DDR2: variants seen among roughly 807,000 people sequenced by gnomAD.
DDR2 encodes discoidin domain-containing receptor 2.
In DDR2, 27 loss-of-function variants were observed where a neutral mutation model predicts 94.9. That is an observed-to-expected ratio of 0.28 (90% CI 0.21 to 0.39). DDR2 has a LOEUF of 0.39. Among genes scored for constraint, DDR2 ranks in the 10% least tolerant of loss-of-function variants. The pLI is 1.00. For missense variants in DDR2, 783 were observed against 1,076.0 expected, an observed-to-expected ratio of 0.73 and a Z score of 3.81; for synonymous variants, 382 against 377.2, an observed-to-expected ratio of 1.01 and a Z score of -0.15.
At chr1:162,754,339 G>A (rs180973150) in intron 4 of DDR2, among the ~76,000 whole-genome samples, 1 of 152,316 alleles carries the variant, frequency 6.6e-6, no homozygotes, top group African/African-American at 2.4e-5. Context: ...AGTAGGAAGA[G>A]TTTTATTTCT....
At chr1:162,738,282 C>CA (rs2102076711) in intron 3 of DDR2, among the ~76,000 whole-genome samples, 1 of 48,094 alleles carries the variant, frequency 2.1e-5, no homozygotes, top group South Asian at 7.4e-4. Context: ...AATCAATGTA[C>CA]AAAAATCACA....
chr1:162,728,329 A>G (rs1449016223), intron 3 of DDR2, among the ~76,000 whole-genome samples: 5 of 151,864 alleles, frequency 3.3e-5, no homozygotes, highest in Non-Finnish European at 7.4e-5. Flanking sequence ...TAGTTGAGAT[A>G]CTGAAGGTAT....
intron 3 of DDR2, among the ~76,000 whole-genome samples, chr1:162,737,759 G>C (rs1411286471): frequency 6.4e-5 from 8 of 124,070 alleles, no homozygotes; most frequent in Non-Finnish European, 1.3e-4. Context: ...GGTTGAACTA[G>C]TTTACAGTCC....
chr1:162,763,412 T>C (rs1234908009), intron 9 of DDR2, among the ~76,000 whole-genome samples: 2 of 124,352 alleles, frequency 1.6e-5, no homozygotes, highest in Admixed American at 2.1e-4. Context: ...CTGGCCAGGC[T>C]GGTCTCGAAC....
At chr1:162,767,396 G>A in intron 11 of DDR2, 37 bp downstream of exon 11, 2 of 1,611,438 alleles carry the variant, frequency 1.2e-6, no homozygotes, top group Non-Finnish European at 1.7e-6. Flanking sequence ...ATAAGAAACT[G>A]CTCCTTTCTT....
chr1:162,640,783 A>G (rs192514242), intron 1 of DDR2, among the ~76,000 whole-genome samples: 1 of 152,302 alleles, frequency 6.6e-6, no homozygotes, highest in East Asian at 1.9e-4. Flanking sequence ...TTAATAGCAG[A>G]TAAGTAGGTA....
chr1:162,760,995 A>G (rs1263584437), intron 8 of DDR2, among the ~76,000 whole-genome samples: 1 of 151,944 alleles, frequency 6.6e-6, no homozygotes, highest in Non-Finnish European at 1.5e-5. Context: ...ATTGTTTTAG[A>G]TTGTACACTA....
chr1:162,665,769 G>A (rs530558161), intron 2 of DDR2, among the ~76,000 whole-genome samples: 66 of 152,190 alleles, frequency 4.3e-4, no homozygotes, highest in African/African-American at 1.5e-3. Flanking sequence ...TCCAATCTGT[G>A]ATCCCCAGAT....
intron 3 of DDR2, among the ~76,000 whole-genome samples, chr1:162,747,006 C>G (rs1349219727): frequency 6.6e-6 from 1 of 152,284 alleles, no homozygotes; most frequent in East Asian, 1.9e-4. Flanking sequence ...AAAGCCCCAT[C>G]TGTAGGTCAC....
intron 2 of DDR2, among the ~76,000 whole-genome samples, chr1:162,691,026 G>C (rs1301483095): frequency 6.6e-6 from 1 of 152,142 alleles, no homozygotes; most frequent in African/African-American, 2.4e-5. Context: ...TTCCCCCCCA[G>C]GGTATAGTCG....
intron 2 of DDR2, among the ~76,000 whole-genome samples, chr1:162,701,270 T>A (rs1346064235): frequency 6.6e-6 from 1 of 152,240 alleles, no homozygotes; most frequent in African/African-American, 2.4e-5. Flanking sequence ...TTTAAACAGT[T>A]CAGCTGTAGT....
chr1:162,705,117 C>T (rs1202309927), intron 2 of DDR2: 2 of 152,260 alleles, frequency 1.3e-5, no homozygotes, highest in African/African-American at 4.8e-5. Flanking sequence ...CTGGACTCTC[C>T]TGGCTCTCCC....
intron 2 of DDR2, among the ~76,000 whole-genome samples, chr1:162,716,640 T>C (rs146866749): frequency 1.4e-3 from 215 of 152,204 alleles, no homozygotes; most frequent in African/African-American, 4.7e-3. Flanking sequence ...TATGGGGCCA[T>C]TTAAATCTTC....
At chr1:162,671,090 G>A (rs1281885811) in intron 2 of DDR2, among the ~76,000 whole-genome samples, 1 of 152,148 alleles carries the variant, frequency 6.6e-6, no homozygotes, top group Non-Finnish European at 1.5e-5. Flanking sequence ...ACACATACAC[G>A]CATGGTCTGT....
chr1:162,715,955 AT>A (rs1661150406), intron 2 of DDR2, among the ~76,000 whole-genome samples: 1 of 152,174 alleles, frequency 6.6e-6, no homozygotes, highest in Non-Finnish European at 1.5e-5. Context: ...ATTAGTCAAC[AT>A]TTTTTGAACA....
chr1:162,702,573 GTGTTACA>G (rs1389592923), intron 2 of DDR2, among the ~76,000 whole-genome samples: 1 of 152,140 alleles, frequency 6.6e-6, no homozygotes, highest in African/African-American at 2.4e-5. Flanking sequence ...AATGTAATTG[GTGTTACA>G]TGCAGTTTAA....
At chr1:162,754,544 G>A (rs1176261930) in intron 4 of DDR2, 80 bp from the exon 5 acceptor site, 1 of 1,407,354 alleles carries the variant, frequency 7.1e-7, no homozygotes, top group Non-Finnish European at 1.0e-6. Context: ...TCAGTACAGG[G>A]CAGCTGCTTG....
In DDR2 at chr1:162,754,865, AGAGACATCCAGATCCTGGATG is replaced by A. The variant is rs1455821104; in HGVS notation, c.417+11_417+31del. ...CCGTCATGGGAAACAGGTAGGAAGAAGAGACATCCAGATCCTGGATGTCCAAGACCATATTTTGACTTAGGC... is the reference window on the plus strand; with the variant it reads ...CCGTCATGGGAAACAGGTAGGAAGAATCCAAGACCATATTTTGACTTAGGC... On this transcript the variant is annotated intron_variant, in intron 5 of 17. Transcript: ENST00000367921. 6.2e-7 allele frequency: 1 copy of A among 1,613,866 alleles called. No homozygotes were observed. Among genetic ancestry groups the A allele is most frequent in the South Asian group, 1.1e-5 (1 of 91,064 alleles).
chr1:162,759,802 A>G lies in DDR2; in HGVS notation c.678A>G (p.Thr226=). The part of the protein sequence containing the change: ...VYDGAVGYSM[T]EGLGQLTDGV... ...CTTCTCCTGGCCTGAGCAGCATGAC[A>G]GAAGGGCTAGGCCAATTGACCGATG... Residue 226 remains threonine, a synonymous_variant, in exon 8 of 18, where the codon ACA becomes ACG. Coordinates refer to ENST00000367921, the MANE Select transcript of DDR2 (RefSeq NM_006182.4). 1 of 1,614,000 alleles carries G rather than the reference A, an allele frequency of 6.2e-7. No individual in the cohort carries two copies. Among genetic ancestry groups the G allele is most frequent in the Non-Finnish European group, 8.5e-7 (1 of 1,180,014 alleles).
Sources: gnomAD v4.1 joint callset for allele counts (sites outside exome capture counted in the v4.1 genomes callset) on GRCh38, gnomAD v4.1.1 for gene constraint, MANE v1.5 for transcripts, NCBI Gene and HGNC (gene_info 2026-07-23, HGNC 2026-07-21) for gene names.